RUFY1: variants seen among roughly 807,000 people sequenced by gnomAD.
RUFY1 encodes RUN and FYVE domain containing 1.
In RUFY1, 54 loss-of-function variants were observed where a neutral mutation model predicts 94.6. The ratio of observed to expected loss-of-function variants is 0.57; its 90% confidence interval spans 0.46 to 0.72. RUFY1 has a LOEUF of 0.72. RUFY1 is among the 30% of genes least tolerant of loss of function. RUFY1 has a pLI of 0.00. For synonymous variants in RUFY1, 396 were observed against 347.3 expected, an observed-to-expected ratio of 1.14 and a Z score of -1.56; for missense variants, 883 against 883.9, an observed-to-expected ratio of 1.00 and a Z score of 0.01.
rs1762324333 is a variant in RUFY1, at chr5:179,560,067, A to G, written c.353A>G (p.His118Arg). The change falls in exon 2 of 18, where the codon CAC (histidine) becomes CGC (arginine). Residue 118 changes from histidine (H) to arginine (R), a missense_variant. His to Arg is a conservative substitution (Grantham distance 29). Transcript: ENST00000319449. ...QMMEERANLM[H>R]MMKLSIKVLL... is the part of the protein sequence containing the mutation. Reference sequence around the variant, plus strand: ...ATGGAGGAGCGTGCCAACCTGATGCACATGATGAAACTCAGCATCAAGGTG... The same window carrying G: ...ATGGAGGAGCGTGCCAACCTGATGCGCATGATGAAACTCAGCATCAAGGTG... 2.5e-6 allele frequency: 4 copies of G among 1,613,940 alleles called. No individual in the cohort carries two copies. Among genetic ancestry groups the G allele is most frequent in the Non-Finnish European group, 3.4e-6 (4 of 1,180,024 alleles).
chr5:179,550,596 T>C lies in RUFY1; in HGVS notation c.27T>C (p.Ala9=), dbSNP rs1761765707. 8.0e-7 allele frequency: 1 copy of C among 1,243,264 alleles called. No homozygotes were observed. Among genetic ancestry groups the C allele is most frequent in the Non-Finnish European group, 1.0e-6 (1 of 1,003,584 alleles). 77.0% of individuals were successfully genotyped at this position (1,243,264 alleles called of 1,614,324 possible). The change falls in exon 1 of 18, where the codon GCT becomes GCC. Residue 9 remains alanine, a synonymous_variant. Coordinates refer to ENST00000319449, the MANE Select transcript of RUFY1 (RefSeq NM_025158.5). ...TGGCCGACCGGGAAGGCGGCTGCGC[T>C]GCTGGGCGGGGGCGGGAGCTGGAGC... MADREGGC[A]AGRGRELEPE...
chr5:179,595,237 T>C (rs2127560149), intron 12 of RUFY1, among the ~76,000 whole-genome samples: 1 of 152,278 alleles, frequency 6.6e-6, no homozygotes, highest in African/African-American at 2.4e-5. Flanking sequence ...CCCAGCACTT[T>C]GGGAGGCCGA....
In RUFY1 at chr5:179,583,222, C is replaced by T. The variant is rs374954432; in HGVS notation, c.956+2210C>T. Among the ~76,000 whole-genome samples, 32 of 151,564 alleles carry T rather than the reference C, an allele frequency of 2.1e-4. 1 individual carries two copies. In the South Asian group the frequency reaches 6.5e-3, roughly 31 times the overall value. Reference sequence around the variant, plus strand: ...GGCTGAGGCAAGAGAATCACTTGAACCTGGGAGGCAGAGGTTGTGGTGAGC... The same window carrying T: ...GGCTGAGGCAAGAGAATCACTTGAATCTGGGAGGCAGAGGTTGTGGTGAGC... On this transcript the variant is annotated intron_variant, in intron 7 of 17. Coordinates refer to ENST00000319449, the MANE Select transcript of RUFY1 (RefSeq NM_025158.5).
At chr5:179,571,519 A>C (rs1419775984) in intron 5 of RUFY1, among the ~76,000 whole-genome samples, 1 of 151,928 alleles carries the variant, frequency 6.6e-6, no homozygotes, top group African/African-American at 2.4e-5. Context: ...AAAAAAAAAA[A>C]ACACCAATAT....
intron 6 of RUFY1, among the ~76,000 whole-genome samples, chr5:179,579,657 C>CTTTTTCTTTTTTTTTTTTTTTTTTTTTTT (rs1554118792): frequency 7.9e-5 from 4 of 50,558 alleles, no homozygotes; most frequent in Non-Finnish European, 1.1e-4. Flanking sequence ...TTTTCTTCTT[C>CTTTTTCTTTTTTTTTTTTTTTTTTTTTTT]TTTTTTTTTT....
chr5:179,552,844 A>C (rs950150850), intron 1 of RUFY1, among the ~76,000 whole-genome samples: 3 of 152,246 alleles, frequency 2.0e-5, no homozygotes, highest in Non-Finnish European at 4.4e-5. Context: ...CCTGTGTTCC[A>C]TCTATGGAAG....
chr5:179,584,770 A>G (rs563838607), intron 7 of RUFY1, among the ~76,000 whole-genome samples: 1 of 110,328 alleles, frequency 9.1e-6, no homozygotes, highest in Admixed American at 9.3e-5. Flanking sequence ...TCAAAAACAA[A>G]AAAAAACAAA....
rs760158310 is a variant in RUFY1, at chr5:179,609,841, C to T, written c.*322C>T. 34 of 227,224 alleles carry T rather than the reference C, an allele frequency of 1.5e-4. No homozygotes were observed. The highest frequency in any genetic ancestry group is 2.7e-4 in the Non-Finnish European group (32 of 116,686). The allele number at this position is 227,224 out of a possible 1,614,324, so 14.1% of individuals were successfully genotyped here. ...CCTATTTTACAGCAGTTCAGTTCTG[C>T]TAGTGAGTAGTTTTCCTCTCCTACC... On this transcript the variant is annotated 3_prime_UTR_variant, in exon 18 of 18. Coordinates refer to ENST00000319449, the MANE Select transcript of RUFY1 (RefSeq NM_025158.5).
chr5:179,590,020 T>C (rs1177436675), intron 9 of RUFY1, among the ~76,000 whole-genome samples: 1 of 152,148 alleles, frequency 6.6e-6, no homozygotes, highest in Non-Finnish European at 1.5e-5. Context: ...TTTGTAGAAT[T>C]GTTGGCTTGC....
At chr5:179,602,265 G>A (rs551229311) in intron 15 of RUFY1, 5 of 388,070 alleles carry the variant, frequency 1.3e-5, no homozygotes, top group African/African-American at 6.0e-5. Context: ...CATATCCAGG[G>A]CCTGAGGGAA....
intron 11 of RUFY1, among the ~76,000 whole-genome samples, chr5:179,594,086 G>A (rs956906201): frequency 1.3e-5 from 2 of 151,862 alleles, no homozygotes; most frequent in Non-Finnish European, 2.9e-5. Context: ...GGCAGATCAC[G>A]AGGTCAGGAG....
At chr5:179,606,220 G>A (rs1767065407) in intron 16 of RUFY1, 8 of 473,874 alleles carry the variant, frequency 1.7e-5, no homozygotes, top group Admixed American at 3.7e-5. Flanking sequence ...CGGAGAGGAG[G>A]GACCCGCGGA....
intron 7 of RUFY1, among the ~76,000 whole-genome samples, chr5:179,583,706 T>C (rs7734940): frequency 1 from 149,930 of 150,522 alleles, 74,672 homozygotes; most frequent in Middle Eastern, 1. Flanking sequence ...GTTGAGCCAC[T>C]GTGCCCGGCC....
chr5:179,586,619 G>T, intron 8 of RUFY1: 1 of 344,542 alleles, frequency 2.9e-6, no homozygotes, highest in Non-Finnish European at 5.8e-6. Context: ...GAGGGACCCC[G>T]TGTAAGCCTC....
chr5:179,596,965 A>C, intron 13 of RUFY1: 1 of 381,806 alleles, frequency 2.6e-6, no homozygotes, highest in Non-Finnish European at 4.7e-6. Flanking sequence ...ACCCTTTCTA[A>C]AAAGAAACAG....
At chr5:179,566,404 A>C (rs1481287051) in intron 3 of RUFY1, among the ~76,000 whole-genome samples, 1 of 152,102 alleles carries the variant, frequency 6.6e-6, no homozygotes, top group Non-Finnish European at 1.5e-5. Context: ...CAAGAGTTTG[A>C]GACTAGCCTG....
rs1409196046 is a variant in RUFY1 at position 179,605,899 on chromosome 5, T to C, written c.1880T>C (p.Ile627Thr). The C allele has an allele frequency of 2.5e-6, 4 of 1,609,022 alleles. No individual in the cohort carries two copies. In the South Asian group the frequency reaches 3.3e-5, roughly 13 times the overall value. Residue 627 changes from isoleucine to threonine, a missense_variant, in exon 16 of 18, where the codon ATA (isoleucine) becomes ACA (threonine). By Grantham distance (89) the Ile-to-Thr change is moderately conservative. Coordinates refer to ENST00000319449, the MANE Select transcript of RUFY1 (RefSeq NM_025158.5). ...LSQSKLKMED[I>T]KEVNQALKGH... ...AGGTCCAAGCTGAAGATGGAAGATA[T>C]AAAAGAAGTGAACCAGGCACTGAAG... is the stretch of plus-strand genomic sequence containing the variant.
chr5:179,607,902 A>G (rs1014237560), intron 17 of RUFY1, among the ~76,000 whole-genome samples: 2 of 152,202 alleles, frequency 1.3e-5, no homozygotes, highest in Non-Finnish European at 2.9e-5. Context: ...CCTTTCAGTG[A>G]TTGACAATGA....
chr5:179,576,457 G>C (rs1352071794), intron 5 of RUFY1, among the ~76,000 whole-genome samples: 1 of 152,166 alleles, frequency 6.6e-6, no homozygotes, highest in East Asian at 1.9e-4. Flanking sequence ...GTCTCGCTCT[G>C]TTGCCCAGGT....
Sources: allele counts gnomAD v4.1 joint callset (sites outside exome capture counted in the v4.1 genomes callset), GRCh38; gene constraint gnomAD v4.1.1; transcripts MANE v1.5; gene names NCBI Gene and HGNC (gene_info 2026-07-23, HGNC 2026-07-21).